Variants in TRERF1 observed in about 807,000 individuals in gnomAD.
The protein encoded by TRERF1 is transcriptional-regulating factor 1.
TRERF1 carries 27 observed loss-of-function variants against 122.9 expected under a neutral mutation model. The ratio of observed to expected loss-of-function variants is 0.22; its 90% CI spans 0.16 to 0.30. The LOEUF is 0.30. TRERF1 is among the 10% of genes least tolerant of loss of function. The pLI, the probability that TRERF1 is intolerant of heterozygous loss-of-function variation, is 1.00. For synonymous variants in TRERF1, 636 were observed against 641.7 expected (o/e 0.99, Z 0.13); for missense variants, 1,248 against 1,560.3 (o/e 0.80, Z 3.37).
At chr6:42,366,744 C>G (rs1190517162) in intron 2 of TRERF1, among the ~76,000 whole-genome samples, 2 of 152,172 alleles carry the variant, frequency 1.3e-5, no homozygotes. Flanking sequence ...AAATGAGGAG[C>G]TGGACTGATC....
At chr6:42,248,631 C>T (rs541530243) in intron 13 of TRERF1, among the ~76,000 whole-genome samples, 28 of 152,162 alleles carry the variant, frequency 1.8e-4, no homozygotes, top group Non-Finnish European at 2.4e-4. Flanking sequence ...GGATTACAGA[C>T]GTGTGCCACT....
At chr6:42,366,105 C>A (rs1772679328) in intron 2 of TRERF1, among the ~76,000 whole-genome samples, 1 of 152,176 alleles carries the variant, frequency 6.6e-6, no homozygotes, top group South Asian at 2.1e-4. Context: ...TCTGGCCACC[C>A]AGCTCCAGCC....
At chr6:42,391,217 T>A (rs1777685151) in intron 2 of TRERF1, among the ~76,000 whole-genome samples, 1 of 152,170 alleles carries the variant, frequency 6.6e-6, no homozygotes, top group Non-Finnish European at 1.5e-5. Context: ...GCTCAATAAA[T>A]GTTGGCTCAG....
intron 2 of TRERF1, among the ~76,000 whole-genome samples, chr6:42,422,990 C>T (rs1238040896): frequency 6.6e-6 from 1 of 152,212 alleles, no homozygotes; most frequent in Non-Finnish European, 1.5e-5. Context: ...CAGGCATGCG[C>T]CACCACGCCT....
chr6:42,318,743 T>G (rs1233382435), intron 3 of TRERF1, among the ~76,000 whole-genome samples: 1 of 152,216 alleles, frequency 6.6e-6, no homozygotes, highest in African/African-American at 2.4e-5. Flanking sequence ...ACAAGCAGAG[T>G]TCAGTAGCTG....
chr6:42,287,476 C>T (rs769159570), intron 4 of TRERF1, among the ~76,000 whole-genome samples: 2 of 152,154 alleles, frequency 1.3e-5, no homozygotes, highest in African/African-American at 2.4e-5. Flanking sequence ...GATCTGAAGC[C>T]GAAAGGCCTC....
At chr6:42,264,380 T>C (rs1311700099) in intron 7 of TRERF1, among the ~76,000 whole-genome samples, 1 of 152,256 alleles carries the variant, frequency 6.6e-6, no homozygotes, top group Non-Finnish European at 1.5e-5. Flanking sequence ...TGGTCTTGGG[T>C]GTGTCAAGCA....
chr6:42,323,950 C>T (rs928428042), intron 3 of TRERF1, among the ~76,000 whole-genome samples: 13 of 152,140 alleles, frequency 8.5e-5, no homozygotes, highest in Non-Finnish European at 1.8e-4. Flanking sequence ...AGATTGTTGC[C>T]AAAGTTTTCT....
intron 2 of TRERF1, among the ~76,000 whole-genome samples, chr6:42,434,984 G>T (rs1037669155): frequency 6.6e-6 from 1 of 152,086 alleles, no homozygotes; most frequent in African/African-American, 2.4e-5. Context: ...AAAAAAGTTA[G>T]CTGGGCGTGG....
intron 8 of TRERF1, among the ~76,000 whole-genome samples, chr6:42,262,475 GA>G (rs1778246881): frequency 3.3e-4 from 1 of 2,998 alleles, no homozygotes. Flanking sequence ...AGGAGAGAGA[GA>G]GAGAGAGAGA....
Position 42,269,500 on chromosome 6 carries a change from C to T in TRERF1, c.91G>A (p.Gly31Arg), listed in dbSNP as rs200804029. 8.1e-6 allele frequency: 13 copies of T among 1,614,194 alleles called. No individual in the cohort carries two copies. Among genetic ancestry groups the T allele is most frequent in the Admixed American group, 5.0e-5 (3 of 60,024 alleles). ...GCATTCCCATAGTTGTGGTTCAGCC[C>T]GCTGTGGACGCCAAGTGGTGGCTGT... Residue 31 changes from glycine (G) to arginine (R), a missense_variant, in exon 5 of 18, where the codon GGG becomes AGG. By Grantham distance (125) the Gly-to-Arg change is moderately radical (BLOSUM62 -2). Around this residue, in one of 5 missense-constraint regions of TRERF1, gnomAD observed 946 missense variants for 1,073.0 expected, o/e 0.88. Coordinates refer to ENST00000372922, the Ensembl canonical transcript of TRERF1. This position sits in a 1 kb window ranked among gnomAD's most constrained non-coding sequence, Gnocchi z 4.9.
chr6:42,261,984 T>TG (rs112181683), intron 8 of TRERF1, among the ~76,000 whole-genome samples: 2,892 of 151,526 alleles, frequency 0.019, 88 homozygotes, highest in African/African-American at 0.061. Context: ...CTTGAAGGGG[T>TG]GGGGGGGGTG....
At chr6:42,328,861 C>CA (rs1225222631) in intron 3 of TRERF1, among the ~76,000 whole-genome samples, 1 of 152,168 alleles carries the variant, frequency 6.6e-6, no homozygotes, top group Non-Finnish European at 1.5e-5. Context: ...GGAAGGCCCC[C>CA]AGCTCATGCT....
At chr6:42,231,007 TTTAAAGA>T (rs1453087060) in intron 17 of TRERF1, among the ~76,000 whole-genome samples, 1 of 152,224 alleles carries the variant, frequency 6.6e-6, no homozygotes, top group Non-Finnish European at 1.5e-5. Flanking sequence ...ATAGGGCTAT[TTTAAAGA>T]TTAATCAGTA....
chr6:42,365,020 C>T (rs1397056494), intron 2 of TRERF1, among the ~76,000 whole-genome samples: 1 of 152,124 alleles, frequency 6.6e-6, no homozygotes, highest in Non-Finnish European at 1.5e-5. Context: ...CAGGTCAGCA[C>T]ACAGGAGGGC....
chr6:42,441,965 G>T (rs895086225), intron 2 of TRERF1, among the ~76,000 whole-genome samples: 3 of 152,144 alleles, frequency 2.0e-5, no homozygotes, highest in African/African-American at 7.2e-5. Context: ...ATGAGCGTTT[G>T]CGAGGTTTGA....
intron 8 of TRERF1, among the ~76,000 whole-genome samples, chr6:42,261,515 A>C (rs571738221): frequency 6.7e-6 from 1 of 149,952 alleles, no homozygotes; most frequent in South Asian, 2.1e-4. Context: ...CCAAGCACTG[A>C]AAACTTTAAA....
chr6:42,284,233 T>A (rs2150072843), intron 4 of TRERF1, among the ~76,000 whole-genome samples: 1 of 140,390 alleles, frequency 7.1e-6, no homozygotes, highest in East Asian at 2.0e-4. Context: ...AATTTTTAAT[T>A]TTTTTTTTTT....
intron 2 of TRERF1, among the ~76,000 whole-genome samples, chr6:42,392,256 T>C (rs954309912): frequency 6.6e-6 from 1 of 152,204 alleles, no homozygotes; most frequent in Non-Finnish European, 1.5e-5. Context: ...GAATAAGCAG[T>C]TGATCCTGGA....
Sources: gnomAD v4.1 joint callset for allele counts (sites outside exome capture counted in the v4.1 genomes callset) on GRCh38, gnomAD v4.1.1 for gene constraint, gnomAD v4.1.1 regional missense constraint, Gnocchi (gnomAD v3.1) non-coding constraint, MANE v1.5 for transcripts, NCBI Gene and HGNC (gene_info 2026-07-23, HGNC 2026-07-21) for gene names.